SORCS2: variants seen among roughly 807,000 people sequenced by gnomAD.
SORCS2 encodes the protein sortilin related VPS10 domain containing receptor 2.
Under a neutral mutation model 141.6 loss-of-function variants are expected in SORCS2, and 100 were observed. That is an observed-to-expected ratio of 0.71 (90% CI 0.60 to 0.83). SORCS2 has a LOEUF of 0.83. Among genes scored for constraint, SORCS2 ranks in the 40% least tolerant of loss-of-function variants. SORCS2 has a pLI of 0.00. For synonymous variants in SORCS2, 789 were observed against 676.9 expected (o/e 1.17, Z -2.57); for missense variants, 1,646 against 1,560.2 (o/e 1.05, Z -0.93).
intron 3 of SORCS2, among the ~76,000 whole-genome samples, chr4:7,601,587 C>G (rs1450917111): frequency 7.9e-6 from 1 of 127,280 alleles, no homozygotes; most frequent in Non-Finnish European, 1.6e-5. Flanking sequence ...CCACTGCACT[C>G]TAGCCTGGGC....
chr4:7,381,067 G>C (rs1186283254), intron 1 of SORCS2, among the ~76,000 whole-genome samples: 2 of 126,444 alleles, frequency 1.6e-5, no homozygotes, highest in African/African-American at 6.2e-5. Context: ...GGGTGATAGA[G>C]CAAGACTCTG....
At position 7,252,197 on chromosome 4, in the gene SORCS2, G is replaced by T. The variant is rs553584557; in HGVS notation, c.480+59071G>T. ...CCTCAGCACTTGTGGAGGCTGGGGA[G>T]TCGCCAAGGAGGCCCGAGGCAGGAG... On this transcript the variant is annotated intron_variant, in intron 1 of 26. Transcript: ENST00000507866. 1.1e-4 allele frequency among the ~76,000 whole-genome samples: 16 copies of T among 152,338 alleles called. No homozygotes were observed. The South Asian group carries it at 3.3e-3, about 32-fold the overall frequency.
At chr4:7,671,733 A>T (rs898152194) in intron 8 of SORCS2, among the ~76,000 whole-genome samples, 1 of 152,122 alleles carries the variant, frequency 6.6e-6, no homozygotes, top group African/African-American at 2.4e-5. Context: ...CAAGCAGACC[A>T]ACATATGATT....
chr4:7,422,745 G>C (rs1453564061), intron 2 of SORCS2, among the ~76,000 whole-genome samples: 2 of 152,140 alleles, frequency 1.3e-5, no homozygotes, highest in African/African-American at 2.4e-5. Flanking sequence ...CTCTCGCCTG[G>C]ACGCCACAAC....
chr4:7,301,730 G>A (rs1717445534), intron 1 of SORCS2, among the ~76,000 whole-genome samples: 1 of 152,190 alleles, frequency 6.6e-6, no homozygotes, highest in South Asian at 2.1e-4. Context: ...CCAAAATGAG[G>A]TGAAGATGGG....
At chr4:7,420,933 C>T (rs1016797243) in intron 2 of SORCS2, among the ~76,000 whole-genome samples, 1 of 152,152 alleles carries the variant, frequency 6.6e-6, no homozygotes, top group Admixed American at 6.5e-5. Context: ...CTCTGCCTGC[C>T]GTTGCAGGGG....
intron 3 of SORCS2, among the ~76,000 whole-genome samples, chr4:7,591,752 G>C (rs548152218): frequency 2.6e-5 from 4 of 152,306 alleles, no homozygotes; most frequent in African/African-American, 9.6e-5. Context: ...GCGCCCCACG[G>C]CAGTGATGAA....
intron 3 of SORCS2, among the ~76,000 whole-genome samples, chr4:7,540,193 TCCCTGC>T (rs1712507364): frequency 4.7e-5 from 3 of 63,178 alleles, no homozygotes; most frequent in South Asian, 1.4e-3. Context: ...TCCCTGCCCC[TCCCTGC>T]CCCTCCCTGC....
chr4:7,653,057 G>A (rs1157233850), intron 4 of SORCS2, among the ~76,000 whole-genome samples: 1 of 152,126 alleles, frequency 6.6e-6, no homozygotes, highest in Admixed American at 6.5e-5. Flanking sequence ...CCCTTCCTGG[G>A]CCCAGGCCTG....
intron 8 of SORCS2, among the ~76,000 whole-genome samples, chr4:7,672,162 A>G (rs1577925026): frequency 6.6e-6 from 1 of 152,062 alleles, no homozygotes; most frequent in South Asian, 2.1e-4. Flanking sequence ...AGGCTGGTCT[A>G]GAACTCCTGA....
intron 3 of SORCS2, among the ~76,000 whole-genome samples, chr4:7,636,831 T>G (rs1361193186): frequency 2.0e-5 from 3 of 152,096 alleles, no homozygotes; most frequent in Non-Finnish European, 2.9e-5. Context: ...CCTGGGGAGC[T>G]GAAAACAGCA....
chr4:7,685,688 A>ATATATATATATATATATAT (rs1553904098), intron 10 of SORCS2, among the ~76,000 whole-genome samples: 38 of 149,710 alleles, frequency 2.5e-4, no homozygotes, highest in African/African-American at 8.9e-4. Context: ...AAAATAAATA[A>ATATATATATATATATATAT]ATATATATAT....
chr4:7,428,595 G>T (rs1726612147), intron 2 of SORCS2, among the ~76,000 whole-genome samples: 2 of 152,174 alleles, frequency 1.3e-5, no homozygotes, highest in Admixed American at 6.5e-5. Context: ...GCAGGGTTCT[G>T]CAGGGAAGGC....
intron 8 of SORCS2, among the ~76,000 whole-genome samples, chr4:7,675,272 C>T (rs1027602944): frequency 6.6e-6 from 1 of 152,228 alleles, no homozygotes; most frequent in Non-Finnish European, 1.5e-5. Context: ...TGAGTGGAAA[C>T]CGAGGCTGGG....
At chr4:7,616,942 C>T (rs1718801155) in intron 3 of SORCS2, among the ~76,000 whole-genome samples, 2 of 152,240 alleles carry the variant, frequency 1.3e-5, no homozygotes, top group Non-Finnish European at 2.9e-5. Flanking sequence ...CCACAAGGCC[C>T]CTGAGCCCTC....
intron 1 of SORCS2, among the ~76,000 whole-genome samples, chr4:7,289,351 C>A (rs1008299377): frequency 2.0e-5 from 3 of 152,158 alleles, no homozygotes; most frequent in Admixed American, 6.5e-5. Flanking sequence ...AGCTTGGAGC[C>A]CACTGTGCCA....
chr4:7,593,728 C>T (rs531327282), intron 3 of SORCS2, among the ~76,000 whole-genome samples: 210 of 152,322 alleles, frequency 1.4e-3, no homozygotes, highest in African/African-American at 4.8e-3. Context: ...GGCAGGGGTG[C>T]CGCTTGCCAG....
chr4:7,419,876 A>C (rs1213170260), intron 2 of SORCS2, among the ~76,000 whole-genome samples: 2 of 152,160 alleles, frequency 1.3e-5, no homozygotes, highest in East Asian at 3.9e-4. Context: ...GCTTCCTAGG[A>C]TGAAGTTTCT....
chr4:7,256,799 C>A (rs1713911393), intron 1 of SORCS2, among the ~76,000 whole-genome samples: 1 of 114,934 alleles, frequency 8.7e-6, no homozygotes, highest in Non-Finnish European at 1.8e-5. Context: ...ATGCTGGGGG[C>A]AGAGTGTGAG....
Sources: gnomAD v4.1 joint callset for allele counts (sites outside exome capture counted in the v4.1 genomes callset) on GRCh38, gnomAD v4.1.1 for gene constraint, MANE v1.5 for transcripts, NCBI Gene and HGNC (gene_info 2026-07-23, HGNC 2026-07-21) for gene names.